CYP19A1: variants seen among roughly 807,000 people sequenced by gnomAD.
CYP19A1 encodes the protein cytochrome P450 family 19 subfamily A member 1.
CYP19A1 carries 32 observed loss-of-function variants against 44.4 expected under a neutral mutation model. The observed-to-expected ratio is 0.72, with a 90% CI of 0.54 to 0.97. CYP19A1 has a LOEUF of 0.97. Among genes scored for constraint, CYP19A1 ranks in the 50% least tolerant of loss-of-function variants. The pLI, the probability that CYP19A1 is intolerant of heterozygous loss-of-function variation, is 0.00. For synonymous variants in CYP19A1, 212 were observed against 215.6 expected, an observed-to-expected ratio of 0.98 and a Z score of 0.14; for missense variants, 598 against 637.8, an observed-to-expected ratio of 0.94 and a Z score of 0.67.
chr15:51,327,009 G>C (rs920733960), intron 1 of CYP19A1, among the ~76,000 whole-genome samples: 1 of 148,522 alleles, frequency 6.7e-6, no homozygotes, highest in African/African-American at 2.5e-5. Flanking sequence ...ACCCAGAACT[G>C]TTTTCCCTAC....
intron 1 of CYP19A1, among the ~76,000 whole-genome samples, chr15:51,285,249 A>G (rs2035658392): frequency 6.6e-6 from 1 of 151,996 alleles, no homozygotes; most frequent in Admixed American, 6.5e-5. Context: ...TGAAACCCCT[A>G]GGATTAAGGG....
At chr15:51,241,965 A>C (rs998747275) in intron 2 of CYP19A1, among the ~76,000 whole-genome samples, 2 of 152,220 alleles carry the variant, frequency 1.3e-5, no homozygotes, top group Non-Finnish European at 2.9e-5. Flanking sequence ...AATTGGGAAC[A>C]GATGTGTCTG....
At chr15:51,282,162 C>T (rs1231104547) in intron 1 of CYP19A1, among the ~76,000 whole-genome samples, 2 of 152,092 alleles carry the variant, frequency 1.3e-5, no homozygotes, top group Non-Finnish European at 1.5e-5. Flanking sequence ...TGATAGTTAC[C>T]CTTGCTGATT....
intron 3 of CYP19A1, among the ~76,000 whole-genome samples, chr15:51,232,734 T>G (rs2033124408): frequency 6.6e-6 from 1 of 152,214 alleles, no homozygotes; most frequent in Admixed American, 6.5e-5. Context: ...TCTTATCATC[T>G]CTACTGCTAC....
chr15:51,305,803 C>T (rs535686836), intron 1 of CYP19A1, among the ~76,000 whole-genome samples: 3 of 151,854 alleles, frequency 2.0e-5, no homozygotes, highest in African/African-American at 7.3e-5. Context: ...TCAGGTGATC[C>T]GCCCTCCTTG....
intron 1 of CYP19A1, among the ~76,000 whole-genome samples, chr15:51,316,715 TA>T (rs112693981): frequency 4.2e-3 from 593 of 139,828 alleles, no homozygotes; most frequent in South Asian, 5.0e-3. Context: ...CTCTGTCTCT[TA>T]AAAAAAAAAA....
chr15:51,292,742 C>G (rs1435414346), intron 1 of CYP19A1, among the ~76,000 whole-genome samples: 1 of 152,080 alleles, frequency 6.6e-6, no homozygotes, highest in East Asian at 1.9e-4. Context: ...CAAAGGAGCA[C>G]AGGGTAGTGG....
At chr15:51,308,242 G>A (rs971599965) in intron 1 of CYP19A1, among the ~76,000 whole-genome samples, 1 of 152,172 alleles carries the variant, frequency 6.6e-6, no homozygotes, top group Non-Finnish European at 1.5e-5. Flanking sequence ...GTCAGAGCCA[G>A]CAATGAGGAC....
At chr15:51,276,593 C>T (rs1316359186) in intron 1 of CYP19A1, among the ~76,000 whole-genome samples, 2 of 152,228 alleles carry the variant, frequency 1.3e-5, no homozygotes, top group African/African-American at 2.4e-5. Flanking sequence ...ACCATTTCTA[C>T]AGTAATTACC....
intron 1 of CYP19A1, among the ~76,000 whole-genome samples, chr15:51,252,117 A>G (rs1054875061): frequency 2.6e-5 from 4 of 152,150 alleles, no homozygotes; most frequent in Non-Finnish European, 5.9e-5. Flanking sequence ...ATGCAGAGAT[A>G]CACTGAGACG....
intron 2 of CYP19A1, among the ~76,000 whole-genome samples, chr15:51,239,055 G>A (rs2033588808): frequency 6.6e-6 from 1 of 152,120 alleles, no homozygotes; most frequent in Non-Finnish European, 1.5e-5. Flanking sequence ...AGAGAAGAAT[G>A]CTGGAGGAAG....
chr15:51,330,734 G>A (rs575768158), intron 1 of CYP19A1, among the ~76,000 whole-genome samples: 105 of 152,266 alleles, frequency 6.9e-4, no homozygotes, highest in African/African-American at 1.9e-3. Flanking sequence ...AGGAACAGTC[G>A]GAGAAGTAGG....
At chr15:51,324,419 T>C (rs1369058999) in intron 1 of CYP19A1, among the ~76,000 whole-genome samples, 1 of 152,194 alleles carries the variant, frequency 6.6e-6, no homozygotes, top group Non-Finnish European at 1.5e-5. Flanking sequence ...ACAAAGCCGA[T>C]TTATAGGCTA....
intron 1 of CYP19A1, among the ~76,000 whole-genome samples, chr15:51,327,200 G>A (rs2036621283): frequency 6.6e-6 from 1 of 152,166 alleles, no homozygotes; most frequent in African/African-American, 2.4e-5. Flanking sequence ...GTGATCCATG[G>A]TGCCATATGC....
At chr15:51,289,004 G>T (rs985268318) in intron 1 of CYP19A1, among the ~76,000 whole-genome samples, 2 of 152,194 alleles carry the variant, frequency 1.3e-5, no homozygotes, top group African/African-American at 4.8e-5. Flanking sequence ...GAGAAATGAT[G>T]GTGAACTAAG....
At chr15:51,298,204 C>T (rs2036039696) in intron 1 of CYP19A1, among the ~76,000 whole-genome samples, 1 of 152,202 alleles carries the variant, frequency 6.6e-6, no homozygotes, top group Admixed American at 6.5e-5. Flanking sequence ...TCCTTCCTTA[C>T]TGATTTGGAT....
chr15:51,215,586 G>T, intron 7 of CYP19A1, 117 bp downstream of exon 7: 4 of 1,580,616 alleles, frequency 2.5e-6, no homozygotes, highest in Non-Finnish European at 2.6e-6. Flanking sequence ...TTACAGAACT[G>T]CTAGAGAAAG....
chr15:51,260,678 C>T (rs998053778), intron 1 of CYP19A1, among the ~76,000 whole-genome samples: 2 of 152,184 alleles, frequency 1.3e-5, no homozygotes, highest in African/African-American at 2.4e-5. Flanking sequence ...AAACACAGGG[C>T]TTGTAACTCA....
chr15:51,255,965 T>C (rs1292643901), intron 1 of CYP19A1, among the ~76,000 whole-genome samples: 1 of 152,200 alleles, frequency 6.6e-6, no homozygotes, highest in Non-Finnish European at 1.5e-5. Context: ...GCCCAAACAG[T>C]TCAGCTGAAT....
Sources: gnomAD v4.1 joint callset for allele counts (sites outside exome capture counted in the v4.1 genomes callset) on GRCh38, gnomAD v4.1.1 for gene constraint, MANE v1.5 for transcripts, NCBI Gene and HGNC (gene_info 2026-07-23, HGNC 2026-07-21) for gene names.